BAZ2A: variants seen among roughly 807,000 people sequenced by gnomAD.
BAZ2A encodes the protein bromodomain adjacent to zinc finger domain protein 2A.
In BAZ2A, 34 loss-of-function variants were observed where a neutral mutation model predicts 199.9. The observed-to-expected ratio is 0.17, with a 90% CI of 0.13 to 0.23. BAZ2A has a LOEUF of 0.23. Among genes scored for constraint, BAZ2A ranks in the 10% least tolerant of loss-of-function variants. The pLI, the probability that BAZ2A is intolerant of heterozygous loss-of-function variation, is 1.00. For synonymous variants in BAZ2A, 857 were observed against 883.9 expected (o/e 0.97, Z 0.54); for missense variants, 2,002 against 2,391.1 (o/e 0.84, Z 3.39).
rs370265628 is a variant in BAZ2A, at chr12:56,599,340, T to C, written c.5191A>G (p.Thr1731Ala). The C allele has an allele frequency of 6.4e-5, 103 of 1,613,198 alleles. No homozygotes were observed. Among genetic ancestry groups the C allele is most frequent in the Non-Finnish European group, 7.7e-5 (91 of 1,179,750 alleles). ...CGCTTTGGGAAACCAGGCTTCTGAG[T>C]GAATTCTCCCTCCACCTGCTTAGTA... is the stretch of plus-strand genomic sequence containing the variant. Reference protein sequence around the residue: ...CLAQQVEGEFTQKPGFPKRGQ... With the variant: ...CLAQQVEGEFAQKPGFPKRGQ... The change falls in exon 27 of 29, where the codon ACT becomes GCT. Residue 1731 changes from threonine (T) to alanine (A), a missense_variant. Thr to Ala is a moderately conservative substitution (Grantham distance 58). Around this residue, in one of 6 missense-constraint regions of BAZ2A, gnomAD observed 122 missense variants for 123.0 expected, o/e 0.99. Coordinates refer to ENST00000549884, the MANE Select transcript of BAZ2A (RefSeq NM_001300905.2).
At chr12:56,636,371 T>G, upstream of BAZ2A, 1 of 1,383,240 alleles carries the variant, frequency 7.2e-7, no homozygotes, top group East Asian at 2.7e-5. Context: ...TGTCCCTGTG[T>G]GACAGACTGG....
At chr12:56,635,029 C>T (rs1237327142), upstream of BAZ2A, 1 of 984,338 alleles carries the variant, frequency 1.0e-6, no homozygotes, top group African/African-American at 1.8e-5. The surrounding 1 kb of genome is among the most constrained non-coding windows in gnomAD (Gnocchi z 4.1). Flanking sequence ...CCTCCTCCCC[C>T]AGCCCTGGGC....
chr12:56,621,929 A>G (rs1444533814), intron 1 of BAZ2A, among the ~76,000 whole-genome samples: 5 of 152,042 alleles, frequency 3.3e-5, no homozygotes, highest in Non-Finnish European at 7.4e-5. Flanking sequence ...GCCTCAAGCA[A>G]TTCTCCCACC....
intron 1 of BAZ2A, among the ~76,000 whole-genome samples, chr12:56,625,663 G>A (rs1380856095): frequency 6.6e-6 from 1 of 151,656 alleles, no homozygotes; most frequent in Non-Finnish European, 1.5e-5. Flanking sequence ...GGATCATGAG[G>A]TCAGGAGATC....
rs1388375080 is a variant in BAZ2A, at chr12:56,602,094, C to T, written c.3523G>A (p.Gly1175Ser). The change falls in exon 20 of 29, where the codon GGC becomes AGC. Residue 1175 changes from glycine to serine, a missense_variant. By Grantham distance (56) the Gly-to-Ser change is moderately conservative (BLOSUM62 0). Coordinates refer to ENST00000549884, the MANE Select transcript of BAZ2A (RefSeq NM_001300905.2). ...ALFSMKMELA[G>S]SNTTASSPAR... ...GGAGAACTGGCAGTGGTGTTGGAGC[C>T]AGCTAACTCCATCTTCATAGAGAAG... The T allele has an allele frequency of 1.3e-6, 2 of 1,582,760 alleles. No homozygotes were observed. Among genetic ancestry groups the T allele is most frequent in the Non-Finnish European group, 1.7e-6 (2 of 1,164,098 alleles).
At chr12:56,613,380 C>A in intron 4 of BAZ2A, 147 bp from the exon 5 acceptor site, 2 of 853,014 alleles carry the variant, frequency 2.3e-6, no homozygotes, top group Non-Finnish European at 3.6e-6. Flanking sequence ...ACAAGTAAAG[C>A]CTTCTCCCTG....
chr12:56,609,627 C>T (rs1478169934), intron 10 of BAZ2A, 109 bp downstream of exon 10: 13 of 1,204,044 alleles, frequency 1.1e-5, no homozygotes, highest in Non-Finnish European at 1.5e-5. Flanking sequence ...TTCATTCTTC[C>T]CAGATAATGT....
chr12:56,613,580 A>G (rs918515552), intron 4 of BAZ2A, among the ~76,000 whole-genome samples: 1 of 152,264 alleles, frequency 6.6e-6, no homozygotes, highest in African/African-American at 2.4e-5. Context: ...TCTAGGATTT[A>G]TCATAAAATA....
At chr12:56,636,185 T>C (rs201499595) in exon 1 of BAZ2A, 1 of 1,595,492 alleles carries the variant, frequency 6.3e-7, no homozygotes, top group Non-Finnish European at 8.5e-7. Flanking sequence ...TACTCACCCA[T>C]GTCAGGCTGG....
At chr12:56,611,264 T>G (rs139811249) in intron 7 of BAZ2A, 76 of 470,748 alleles carry the variant, frequency 1.6e-4, no homozygotes, top group Admixed American at 3.5e-4. Context: ...TCCACAGAAA[T>G]AGGACAAGCC....
Position 56,603,550 on chromosome 12 carries a change from G to A in BAZ2A, c.3189C>T (p.Val1063=). 6.2e-7 allele frequency: 1 copy of A among 1,614,032 alleles called. No homozygotes were observed. The highest frequency in any genetic ancestry group is 8.5e-7 in the Non-Finnish European group (1 of 1,179,906). The change falls in exon 17 of 29, where the codon GTC becomes GTT. Residue 1063 remains valine, a synonymous_variant. Coordinates refer to ENST00000549884, the MANE Select transcript of BAZ2A (RefSeq NM_001300905.2). ...CATCTCTTCGACCCCTGCGGCCAGG[G>A]ACAGCTGCTATAGACTCCTCTTCTT... ...EEEEEESIAA[V]PGRRGRRDGE... is the part of the protein sequence containing the mutation.
intron 17 of BAZ2A, 36 bp from the exon 18 acceptor site, chr12:56,603,454 G>A (rs755923367): frequency 3.1e-6 from 5 of 1,613,860 alleles, no homozygotes; most frequent in Non-Finnish European, 4.2e-6. Context: ...GAAAAAGGAG[G>A]TTATCAGATT....
At chr12:56,625,872 T>C (rs1033411120) in intron 1 of BAZ2A, among the ~76,000 whole-genome samples, 139 of 115,370 alleles carry the variant, frequency 1.2e-3, no homozygotes, top group African/African-American at 5.3e-3. Flanking sequence ...CGAAACTCCG[T>C]CTCAAAAAAA....
rs1220473764 is a variant in BAZ2A, at chr12:56,613,250, A to C, written c.917-17T>G. On this transcript the variant is annotated splice_polypyrimidine_tract_variant and intron_variant, in intron 4 of 28. Coordinates refer to ENST00000549884, the MANE Select transcript of BAZ2A (RefSeq NM_001300905.2). Reference sequence around the variant, plus strand: ...TCACTGGCTCTGTTTACAAGGGTAGAAAAATCAGAGCAGGATAATGAGAAA... The same window carrying C: ...TCACTGGCTCTGTTTACAAGGGTAGCAAAATCAGAGCAGGATAATGAGAAA... 4.3e-6 allele frequency: 7 copies of C among 1,610,678 alleles called. No homozygotes were observed. The highest frequency in any genetic ancestry group is 5.9e-6 in the Non-Finnish European group (7 of 1,176,948).
At chr12:56,615,832 T>A (rs1216167401) in intron 2 of BAZ2A, among the ~76,000 whole-genome samples, 4 of 152,236 alleles carry the variant, frequency 2.6e-5, no homozygotes, top group Non-Finnish European at 5.9e-5. Flanking sequence ...GCTAGAGAGC[T>A]CTCCAGGCCT....
At chr12:56,610,884 G>A (rs2958139) in intron 7 of BAZ2A, among the ~76,000 whole-genome samples, 31,548 of 152,106 alleles carry the variant, frequency 0.21, 3,643 homozygotes, top group Middle Eastern at 0.29. Context: ...AGAAGACAAA[G>A]GGCAGGGAGG....
chr12:56,608,142 G>A (rs1355687849), intron 10 of BAZ2A, among the ~76,000 whole-genome samples: 2 of 151,792 alleles, frequency 1.3e-5, no homozygotes, highest in Non-Finnish European at 2.9e-5. Context: ...AGAGGTCGAG[G>A]TGGGCGGATC....
At position 56,600,403 on chromosome 12, in the gene BAZ2A, G is replaced by T. The variant is rs1328077812; in HGVS notation, c.4690C>A (p.Arg1564=). 1 of 1,613,968 alleles carries T rather than the reference G, an allele frequency of 6.2e-7. No homozygotes were observed. Among genetic ancestry groups the T allele is most frequent in the Admixed American group, 1.7e-5 (1 of 60,034 alleles). The change falls in exon 24 of 29, where the codon CGA becomes AGA. Residue 1564 remains arginine (R), a synonymous_variant. Coordinates refer to ENST00000549884, the MANE Select transcript of BAZ2A (RefSeq NM_001300905.2). The part of the protein sequence containing the change: ...LSDSQEDITW[R]GRGREGLAPQ... ...GCCAGTCCCTCCCTGCCCCGACCTC[G>T]CCAGGTGATATCCTCCTGGGAGTCG...
intron 8 of BAZ2A, 79 bp from the exon 9 acceptor site, chr12:56,610,294 GGCC>G: frequency 1.9e-6 from 3 of 1,580,726 alleles, no homozygotes; most frequent in Non-Finnish European, 2.6e-6. Flanking sequence ...AAGCAGAACA[GGCC>G]CAGAGCAGAC....
Sources: allele counts gnomAD v4.1 joint callset (sites outside exome capture counted in the v4.1 genomes callset), GRCh38; gene constraint gnomAD v4.1.1; regional missense constraint gnomAD v4.1.1; non-coding constraint Gnocchi (gnomAD v3.1); transcripts MANE v1.5; gene names NCBI Gene and HGNC (gene_info 2026-07-23, HGNC 2026-07-21).